Variants in PCDHGA10 observed in about 807,000 individuals in gnomAD.
PCDHGA10 encodes the protein protocadherin gamma subfamily A, 10, also known as protocadherin gamma-A10.
Under a neutral mutation model 59.5 loss-of-function variants are expected in PCDHGA10, and 42 were observed. The observed-to-expected ratio is 0.71, with a 90% CI of 0.55 to 0.91. PCDHGA10 has a LOEUF of 0.91. PCDHGA10 is among the 40% of genes least tolerant of loss of function. The pLI is 0.00. For missense variants in PCDHGA10, 1,111 were observed against 1,198.2 expected (o/e 0.93, Z 1.07); for synonymous variants, 511 against 517.2 (o/e 0.99, Z 0.16).
intron 1 of PCDHGA10, among the ~76,000 whole-genome samples, chr5:141,446,698 G>A (rs750413432): frequency 2.0e-5 from 3 of 152,186 alleles, no homozygotes; most frequent in Admixed American, 6.5e-5. Flanking sequence ...GGCTGGTCTC[G>A]AACTCTGATC....
At chr5:141,482,957 C>A (rs2099575063) in intron 1 of PCDHGA10, among the ~76,000 whole-genome samples, 2 of 57,944 alleles carry the variant, frequency 3.5e-5, no homozygotes, top group Admixed American at 1.5e-4. Context: ...CCTGTAATTC[C>A]AGCTACTTGA....
chr5:141,426,848 C>T (rs1379697529), intron 1 of PCDHGA10: 3 of 456,552 alleles, frequency 6.6e-6, no homozygotes, highest in Admixed American at 4.7e-5. Context: ...AAGGCAAGAA[C>T]GCTCCAGAAT....
In PCDHGA10 at chr5:141,413,652, G is replaced by T; in HGVS notation, c.477G>T (p.Pro159=). ...NVAAGMRFPL[P]EAIDPDVGVN... Reference sequence around the variant, plus strand: ...CTGCGGGAATGCGTTTTCCTCTCCCGGAAGCTATTGATCCGGATGTGGGCG... The same window carrying T: ...CTGCGGGAATGCGTTTTCCTCTCCCTGAAGCTATTGATCCGGATGTGGGCG... Residue 159 remains proline (P), a synonymous_variant, in exon 1 of 4, where the codon CCG becomes CCT. Transcript: ENST00000398610. 4 of 1,613,780 alleles carry T rather than the reference G, an allele frequency of 2.5e-6. No homozygotes were observed. The highest frequency in any genetic ancestry group is 3.4e-6 in the Non-Finnish European group (4 of 1,179,868).
At chr5:141,462,905 T>G (rs542357408) in intron 1 of PCDHGA10, among the ~76,000 whole-genome samples, 265 of 152,356 alleles carry the variant, frequency 1.7e-3, no homozygotes, top group Non-Finnish European at 3.1e-3. Flanking sequence ...AAGGCTATTA[T>G]GTTTTTTGCA....
In PCDHGA10 at chr5:141,485,956, C is replaced by T. The variant is rs1430530851; in HGVS notation, c.2437-8851C>T. 1 of 1,614,150 alleles carries T rather than the reference C, an allele frequency of 6.2e-7. No individual in the cohort carries two copies. Among genetic ancestry groups the T allele is most frequent in the South Asian group, 1.1e-5 (1 of 91,074 alleles). ...AGAGCGCACCAGCGGGCATGGTGCT[C>T]ATCCAGCTCAATGCCTCAGACCCGG... On this transcript the variant is annotated intron_variant, in intron 1 of 3. Coordinates refer to ENST00000398610, the MANE Select transcript of PCDHGA10 (RefSeq NM_018913.3). This position sits in a 1 kb window ranked among gnomAD's most constrained non-coding sequence, Gnocchi z 5.7.
rs1353509218 is a variant in PCDHGA10, at chr5:141,512,908, TTTATACTC to T, written c.*1737_*1744del. ...CCCTCTTCCTGTGTCTCACGCAAGTTTTATACTCTAATATTTATATGGCTTTTTTTCTT... is the reference window on the plus strand; with the variant it reads ...CCCTCTTCCTGTGTCTCACGCAAGTTTAATATTTATATGGCTTTTTTTCTT... On this transcript the variant is annotated 3_prime_UTR_variant, in exon 4 of 4. Transcript: ENST00000398610. 6.6e-6 allele frequency: 1 copy of T among 152,268 alleles called. No individual in the cohort carries two copies. Among genetic ancestry groups the T allele is most frequent in the Non-Finnish European group, 1.5e-5 (1 of 68,054 alleles). 9.4% of individuals were successfully genotyped at this position (152,268 alleles called of 1,614,324 possible).
At position 141,431,248 on chromosome 5, in the gene PCDHGA10, G is replaced by T. The variant is rs1213088915; in HGVS notation, c.2436+15637G>T. ...CCCACGCCTGGGATCCGGATATCGG[G>T]AAGAACTCTCTGCAGAGCTACGAGC... On this transcript the variant is annotated intron_variant, in intron 1 of 3. Coordinates refer to ENST00000398610, the MANE Select transcript of PCDHGA10 (RefSeq NM_018913.3). The surrounding 1 kb of genome is among the most constrained non-coding windows in gnomAD (Gnocchi z 4.8). 6.2e-7 allele frequency: 1 copy of T among 1,614,022 alleles called. No individual in the cohort carries two copies. The highest frequency in any genetic ancestry group is 8.5e-7 in the Non-Finnish European group (1 of 1,180,056).
At chr5:141,498,971 GGGAAGGAA>G (rs201769957) in intron 2 of PCDHGA10, among the ~76,000 whole-genome samples, 18,877 of 110,786 alleles carry the variant, frequency 0.17, 1,784 homozygotes, top group Admixed American at 0.31. Context: ...GAGGGAGGGA[GGGAAGGAA>G]GGAAGGAAGG....
In PCDHGA10 at chr5:141,413,740, C is replaced by A; in HGVS notation, c.565C>A (p.Arg189Ser). Residue 189 changes from arginine (R) to serine (S), a missense_variant, in exon 1 of 4, where the codon CGT becomes AGT. Arg to Ser is a moderately radical substitution (Grantham distance 110). Transcript: ENST00000398610. The stretch of plus-strand genomic sequence containing the variant: ...GCACTTCTCCCTAAGAGTTCAGAGC[C>A]GTGCCAATGGCGTCAAGTACCCGGA... ...NKHFSLRVQSRANGVKYPELV... is the reference protein window; with the variant it reads ...NKHFSLRVQSSANGVKYPELV... The A allele has an allele frequency of 1.2e-6, 2 of 1,613,402 alleles. No individual in the cohort carries two copies. The highest frequency in any genetic ancestry group is 1.7e-6 in the Non-Finnish European group (2 of 1,179,878).
At chr5:141,474,361 T>C (rs2099347915) in intron 1 of PCDHGA10, among the ~76,000 whole-genome samples, 2 of 152,210 alleles carry the variant, frequency 1.3e-5, no homozygotes, top group South Asian at 2.1e-4. Context: ...CATGTCTCAG[T>C]AGGTCTAGAG....
At chr5:141,508,859 G>C (rs1268915304) in intron 3 of PCDHGA10, among the ~76,000 whole-genome samples, 1 of 152,086 alleles carries the variant, frequency 6.6e-6, no homozygotes, top group Non-Finnish European at 1.5e-5. Flanking sequence ...CCCAGGCTGG[G>C]AAAGGCTGAA....
Position 141,491,067 on chromosome 5 carries a change from G to A in PCDHGA10, c.2437-3740G>A, listed in dbSNP as rs752758445. On this transcript the variant is annotated intron_variant, in intron 1 of 3. Coordinates refer to ENST00000398610, the MANE Select transcript of PCDHGA10 (RefSeq NM_018913.3). This position sits in a 1 kb window ranked among gnomAD's most constrained non-coding sequence, Gnocchi z 6.9. ...ACAATGCGTGGCTCTCCTACTCACT[G>A]TTGCCACAGTCCACAGCCCCAGGAC... is the stretch of plus-strand genomic sequence containing the variant. 6.2e-7 allele frequency: 1 copy of A among 1,614,200 alleles called. No individual in the cohort carries two copies. Among genetic ancestry groups the A allele is most frequent in the East Asian group, 2.2e-5 (1 of 44,892 alleles).
chr5:141,512,712 A>G lies in PCDHGA10; in HGVS notation c.*1539A>G, dbSNP rs1362654237. 1 of 152,806 alleles carries G rather than the reference A, an allele frequency of 6.5e-6. No homozygotes were observed. The highest frequency in any genetic ancestry group is 2.4e-5 in the African/African-American group (1 of 41,414). 9.5% of individuals were successfully genotyped at this position (152,806 alleles called of 1,614,324 possible). On this transcript the variant is annotated 3_prime_UTR_variant, in exon 4 of 4. Coordinates refer to ENST00000398610, the MANE Select transcript of PCDHGA10 (RefSeq NM_018913.3). Reference sequence around the variant, plus strand: ...GTGTAGTGCGGTGTGCTTTTACGTGATGGCGGGTGGGCAGCGGGCGGCGGG... The same window carrying G: ...GTGTAGTGCGGTGTGCTTTTACGTGGTGGCGGGTGGGCAGCGGGCGGCGGG...
At chr5:141,506,680 A>G (rs949777571) in intron 3 of PCDHGA10, among the ~76,000 whole-genome samples, 1 of 152,212 alleles carries the variant, frequency 6.6e-6, no homozygotes, top group Non-Finnish European at 1.5e-5. Context: ...ATATATTATT[A>G]TCTTTGCTGA....
chr5:141,499,233 C>A (rs1047984757), intron 2 of PCDHGA10, among the ~76,000 whole-genome samples: 2 of 152,116 alleles, frequency 1.3e-5, no homozygotes, highest in Non-Finnish European at 2.9e-5. Context: ...CAGCTGTCCC[C>A]AGCCTCTGCA....
In PCDHGA10 at chr5:141,495,640, G is replaced by A. The variant is rs149177775; in HGVS notation, c.2495+775G>A. 1.2e-3 allele frequency among the ~76,000 whole-genome samples: 177 copies of A among 152,150 alleles called. 1 individual carries two copies. The highest frequency in any genetic ancestry group is 4.1e-3 in the African/African-American group (171 of 41,498). ...ACCTCAGCCTCAGTCCCTTTCATTT[G>A]TCTACTTGCATTGATCTGTGCCGCC... On this transcript the variant is annotated intron_variant, in intron 2 of 3. Transcript: ENST00000398610.
chr5:141,442,227 T>G (rs953690152), intron 1 of PCDHGA10: 16 of 153,240 alleles, frequency 1.0e-4, no homozygotes, highest in African/African-American at 3.6e-4. Context: ...TTAATTTCCT[T>G]TTTATTCTTC....
rs2099710738 is a variant in PCDHGA10, at chr5:141,491,331, T to C, written c.2437-3476T>C. 6.2e-7 allele frequency: 1 copy of C among 1,614,170 alleles called. No homozygotes were observed. The highest frequency in any genetic ancestry group is 8.5e-7 in the Non-Finnish European group (1 of 1,180,018). On this transcript the variant is annotated intron_variant, in intron 1 of 3. Coordinates refer to ENST00000398610, the MANE Select transcript of PCDHGA10 (RefSeq NM_018913.3). The surrounding 1 kb of genome is among the most constrained non-coding windows in gnomAD (Gnocchi z 6.9). ...ACCTTACCCTTTACCTCATTGTGGC[T>C]CTAGCGACCGTCAGTCTCTTATCCC...
intron 1 of PCDHGA10, among the ~76,000 whole-genome samples, chr5:141,483,522 C>G (rs557644901): frequency 9.3e-6 from 1 of 107,172 alleles, no homozygotes; most frequent in African/African-American, 3.9e-5. Flanking sequence ...TAGATCCTGA[C>G]TAAGGAAGCT....
Sources: allele counts gnomAD v4.1 joint callset (sites outside exome capture counted in the v4.1 genomes callset), GRCh38; gene constraint gnomAD v4.1.1; non-coding constraint Gnocchi (gnomAD v3.1); transcripts MANE v1.5; gene names NCBI Gene and HGNC (gene_info 2026-07-23, HGNC 2026-07-21).